FAM186A: variants seen among roughly 807,000 people sequenced by gnomAD.
The protein encoded by FAM186A is protein FAM186A.
FAM186A carries 163 observed loss-of-function variants against 216.8 expected under a neutral mutation model. That is an observed-to-expected ratio of 0.75 (90% CI 0.66 to 0.86). FAM186A has a LOEUF of 0.86. Among genes scored for constraint, FAM186A ranks in the 40% least tolerant of loss-of-function variants. FAM186A has a pLI of 0.00. For missense variants in FAM186A, 2,184 were observed against 2,746.2 expected (o/e 0.80, Z 4.58); for synonymous variants, 805 against 1,025.3 (o/e 0.79, Z 4.10).
Position 50,353,233 on chromosome 12 carries a change from G to T in FAM186A, c.3599C>A (p.Ala1200Asp), listed in dbSNP as rs200241170. The T allele has an allele frequency of 4.2e-4, 648 of 1,528,742 alleles. 2 individuals are homozygous for T. Among genetic ancestry groups the T allele is most frequent in the Non-Finnish European group, 3.5e-4 (392 of 1,135,648 alleles). The allele number at this position is 1,528,742 out of a possible 1,614,324, so 94.7% of individuals were successfully genotyped here. The change falls in exon 4 of 8, where the codon GCC (alanine) becomes GAC (aspartate). Residue 1200 changes from alanine to aspartate, a missense_variant. Around this residue, in one of 7 missense-constraint regions of FAM186A, gnomAD observed 267 missense variants for 446.2 expected, o/e 0.60. Transcript: ENST00000327337. ...GGTGAGAGAGACCCTCAGGGCCTGGGCCTGCTGAGGGGTGAGAGGGATCCC... is the reference window on the plus strand; with the variant it reads ...GGTGAGAGAGACCCTCAGGGCCTGGTCCTGCTGAGGGGTGAGAGGGATCCC... ...ELGIPLTPQQ[A>D]QALRVSLTPQ...
At position 50,333,904 on chromosome 12, in the gene FAM186A, A is replaced by G. The variant is rs565708177; in HGVS notation, c.6696+7T>C. 2 of 1,549,168 alleles carry G rather than the reference A, an allele frequency of 1.3e-6. No homozygotes were observed. Among genetic ancestry groups the G allele is most frequent in the South Asian group, 2.4e-5 (2 of 83,466 alleles). ...ATGCTGGACAGAGGGAGTGGAAAGC[A>G]GGTTACCTGGTTGAATACGTGTATC... is the stretch of plus-strand genomic sequence containing the variant. On this transcript the variant is annotated splice_region_variant and intron_variant, in intron 5 of 7. Coordinates refer to ENST00000327337, the MANE Select transcript of FAM186A (RefSeq NM_001145475.3).
intron 4 of FAM186A, among the ~76,000 whole-genome samples, chr12:50,339,334 A>C (rs1469566353): frequency 6.6e-6 from 1 of 152,122 alleles, no homozygotes; most frequent in Non-Finnish European, 1.5e-5. Flanking sequence ...CTTTTTATTT[A>C]GACTTCACCA....
In FAM186A at chr12:50,363,176, AAG is replaced by A; in HGVS notation, c.379_380del (p.Leu127CysfsTer12). On this transcript the variant is annotated frameshift_variant, in exon 2 of 8. Coordinates refer to ENST00000327337, the MANE Select transcript of FAM186A (RefSeq NM_001145475.3). LOFTEE classifies it high-confidence loss of function. Reference protein sequence around the residue: ...AKTIEIREKTLANILAWLEEW... With the variant: ...AKTIEIREKTXANILAWLEEW... The stretch of plus-strand genomic sequence containing the variant: ...CTTCCAACCAGGCCAGAATGTTGGC[AAG>A]AGTCTTTTCTCTTATTTCAATAGTC... The A allele has an allele frequency of 6.4e-7, 1 of 1,550,904 alleles. No individual in the cohort carries two copies. The highest frequency in any genetic ancestry group is 8.7e-7 in the Non-Finnish European group (1 of 1,146,748).
intron 7 of FAM186A, among the ~76,000 whole-genome samples, chr12:50,329,951 CT>C (rs1942640783): frequency 6.6e-6 from 1 of 152,188 alleles, no homozygotes; most frequent in Non-Finnish European, 1.5e-5. Flanking sequence ...CAGACTGCTC[CT>C]GTGAACTCTT....
At chr12:50,372,990 GGAAGGAATGAAAGAAAGAAAGAAA>G (rs1346149948) in intron 1 of FAM186A, among the ~76,000 whole-genome samples, 4 of 22,882 alleles carry the variant, frequency 1.7e-4, no homozygotes, top group African/African-American at 3.8e-4. Context: ...GAGGAAGGAA[GGAAGGAATGAAAGAAAGAAAGAAA>G]GAAAGAAAGA....
rs529422553 is a variant in FAM186A at position 50,393,716 on chromosome 12, G to A, written c.192+2577C>T. ...ACAAAAATTAGCCAGACGTGCTGGT[G>A]TGTGTGCCTGTAGTCTCAGCTACTT... is the stretch of plus-strand genomic sequence containing the variant. On this transcript the variant is annotated intron_variant, in intron 1 of 7. Coordinates refer to ENST00000327337, the MANE Select transcript of FAM186A (RefSeq NM_001145475.3). 2.0e-5 allele frequency among the ~76,000 whole-genome samples: 3 copies of A among 152,128 alleles called. No homozygotes were observed. The East Asian group carries it at 5.8e-4, about 29-fold the overall frequency.
rs144829210 is a variant in FAM186A at position 50,365,936 on chromosome 12, C to T, written c.193-2572G>A. The T allele has an allele frequency of 9.4e-4, 718 of 763,234 alleles. 11 individuals are homozygous for T. The East Asian group carries it at 0.016, about 17-fold the overall frequency. The allele number at this position is 763,234 out of a possible 1,614,324, so 47.3% of individuals were successfully genotyped here. ...GGAAAAAGGCTAATGGCACAACTGT[C>T]CATGTGGGCCCTCGCCCCAGCAAGG... On this transcript the variant is annotated intron_variant, in intron 1 of 7. Coordinates refer to ENST00000327337, the MANE Select transcript of FAM186A (RefSeq NM_001145475.3).
At position 50,355,730 on chromosome 12, in the gene FAM186A, C is replaced by T; in HGVS notation, c.1102G>A (p.Gly368Ser). The change falls in exon 4 of 8, where the codon GGT (glycine) becomes AGT (serine). Residue 368 changes from glycine (G) to serine (S), a missense_variant. Physicochemically the swap from Gly to Ser is moderately conservative, Grantham distance 56. Around this residue, in one of 7 missense-constraint regions of FAM186A, gnomAD observed 1,132 missense variants for 1,263.4 expected, o/e 0.90. Transcript: ENST00000327337. ...TTGTCCATATTGTCCTCAGTATCAC[C>T]AACTTTGATTATCGCCCTGGATGAC... The part of the protein sequence containing the change: ...PQSSRAIIKV[G>S]DTEDNMDNIL... 6.4e-7 allele frequency: 1 copy of T among 1,551,624 alleles called. No homozygotes were observed.
intron 4 of FAM186A, among the ~76,000 whole-genome samples, chr12:50,349,208 T>A (rs1942851005): frequency 6.7e-6 from 1 of 149,232 alleles, no homozygotes; most frequent in African/African-American, 2.5e-5. Context: ...ATGGTAACCA[T>A]CCTTCTCTTT....
chr12:50,377,010 A>T (rs1328553015), intron 1 of FAM186A, among the ~76,000 whole-genome samples: 1 of 152,056 alleles, frequency 6.6e-6, no homozygotes, highest in Non-Finnish European at 1.5e-5. Context: ...CAGCCTCATG[A>T]GTGCTTGGGA....
intron 4 of FAM186A, among the ~76,000 whole-genome samples, chr12:50,344,099 T>C (rs1942790293): frequency 6.6e-6 from 1 of 152,046 alleles, no homozygotes; most frequent in Admixed American, 6.6e-5. Flanking sequence ...AATTCAACTT[T>C]TCTTTTTTAT....
intron 1 of FAM186A, among the ~76,000 whole-genome samples, chr12:50,372,128 T>A (rs1943147283): frequency 1.3e-5 from 2 of 151,990 alleles, no homozygotes; most frequent in African/African-American, 2.4e-5. Flanking sequence ...ATTTTTTTTT[T>A]AATTTAAAAA....
In FAM186A at chr12:50,351,503, G is replaced by A. The variant is rs755607918; in HGVS notation, c.5329C>T (p.Pro1777Ser). Reference sequence around the variant, plus strand: ...TCAGAAAGAATCCCCATTTCTAGGGGCTTCCCAGGGGCAAAGGGGCCTTGG... The same window carrying A: ...TCAGAAAGAATCCCCATTTCTAGGGACTTCCCAGGGGCAAAGGGGCCTTGG... Reference protein sequence around the residue: ...LNQGPFAPGKPLEMGILSEPG... With the variant: ...LNQGPFAPGKSLEMGILSEPG... The change falls in exon 4 of 8, where the codon CCC becomes TCC. Residue 1777 changes from proline to serine, a missense_variant. Physicochemically the swap from Pro to Ser is moderately conservative, Grantham distance 74. Coordinates refer to ENST00000327337, the MANE Select transcript of FAM186A (RefSeq NM_001145475.3). 8 of 1,496,400 alleles carry A rather than the reference G, an allele frequency of 5.3e-6. No individual in the cohort carries two copies. The African/African-American group carries it at 9.9e-5, about 18-fold the overall frequency. 92.7% of individuals were successfully genotyped at this position (1,496,400 alleles called of 1,614,324 possible). A position where few individuals can be genotyped will look rare whatever the true frequency, so the allele number is the denominator to read the frequency against.
chr12:50,342,878 C>T (rs1443262713), intron 4 of FAM186A, among the ~76,000 whole-genome samples: 1 of 151,440 alleles, frequency 6.6e-6, no homozygotes, highest in Non-Finnish European at 1.5e-5. Flanking sequence ...CTCAAGCAGT[C>T]CTCCTGTCTC....
chr12:50,336,948 T>G (rs1183612974), intron 4 of FAM186A, among the ~76,000 whole-genome samples: 1 of 151,902 alleles, frequency 6.6e-6, no homozygotes, highest in Admixed American at 6.6e-5. Flanking sequence ...GAGATTTTAT[T>G]TATCCATCTC....
At chr12:50,383,694 G>A (rs1311901095) in intron 1 of FAM186A, among the ~76,000 whole-genome samples, 3 of 152,146 alleles carry the variant, frequency 2.0e-5, no homozygotes, top group Non-Finnish European at 1.5e-5. Flanking sequence ...CAGCAGGCTG[G>A]CTGTGGTTTT....
intron 3 of FAM186A, among the ~76,000 whole-genome samples, chr12:50,358,922 C>CCA (rs550140164): frequency 8.4e-6 from 1 of 118,730 alleles, no homozygotes; most frequent in Non-Finnish European, 1.7e-5. Context: ...GACTCTGTCT[C>CCA]AAAAAAAAAA....
intron 1 of FAM186A, among the ~76,000 whole-genome samples, chr12:50,377,185 G>A (rs143843921): frequency 1.8e-4 from 28 of 152,290 alleles, no homozygotes; most frequent in Non-Finnish European, 3.7e-4. Context: ...GGACAGTATG[G>A]TATTGGTGTA....
intron 1 of FAM186A, among the ~76,000 whole-genome samples, chr12:50,364,904 G>T (rs1338141390): frequency 1.3e-5 from 2 of 151,954 alleles, no homozygotes; most frequent in African/African-American, 2.4e-5. Flanking sequence ...CAGGCATTGT[G>T]GTGGATGCCT....
Sources: gnomAD v4.1 joint callset for allele counts (sites outside exome capture counted in the v4.1 genomes callset) on GRCh38, gnomAD v4.1.1 for gene constraint, gnomAD v4.1.1 regional missense constraint, MANE v1.5 for transcripts, NCBI Gene and HGNC (gene_info 2026-07-23, HGNC 2026-07-21) for gene names.